Variants in PRKG1 observed in about 807,000 individuals in gnomAD.
The protein encoded by PRKG1 is protein kinase cGMP-dependent 1, also known as cGMP-dependent protein kinase 1.
In PRKG1, 35 loss-of-function variants were observed where a neutral mutation model predicts 88.1. The observed-to-expected ratio is 0.40, with a 90% CI of 0.30 to 0.53. PRKG1 has a LOEUF of 0.53. PRKG1 is among the 20% of genes least tolerant of loss of function. The probability of loss-of-function intolerance (pLI) is 0.59; values close to 1 mark genes in which losing one functional copy is unlikely to be tolerated. For synonymous variants in PRKG1, 303 were observed against 292.5 expected (o/e 1.04, Z -0.37); for missense variants, 540 against 839.8 (o/e 0.64, Z 4.41).
chr10:52,118,705 G>T (rs1847746157), intron 7 of PRKG1, among the ~76,000 whole-genome samples: 1 of 151,844 alleles, frequency 6.6e-6, no homozygotes. Flanking sequence ...TTTCTTTACA[G>T]TTGTTTCCTC....
At chr10:51,068,684 T>C (rs1564587498) in intron 1 of PRKG1, 1 of 151,996 alleles carries the variant, frequency 6.6e-6, no homozygotes, top group Non-Finnish European at 1.5e-5. Flanking sequence ...GTTTTCAGAA[T>C]CAAAATTACT....
chr10:51,157,980 C>A (rs188067003), intron 2 of PRKG1, among the ~76,000 whole-genome samples: 71 of 151,850 alleles, frequency 4.7e-4, no homozygotes, highest in African/African-American at 1.7e-3. Flanking sequence ...TTGGCATATC[C>A]ATCATCTCAA....
intron 9 of PRKG1, among the ~76,000 whole-genome samples, chr10:52,185,807 C>A (rs914352895): frequency 6.6e-6 from 1 of 152,208 alleles, no homozygotes; most frequent in Admixed American, 6.5e-5. Flanking sequence ...GTGGCTTATG[C>A]TCTCTAAAGT....
intron 2 of PRKG1, chr10:51,302,705 T>TA (rs1840924492): frequency 6.6e-6 from 1 of 152,160 alleles, no homozygotes; most frequent in African/African-American, 2.4e-5. Context: ...ACATTTGAGA[T>TA]GTACTTTATT....
chr10:51,191,567 TATG>T lies in PRKG1; in HGVS notation c.478+38243_478+38245del, dbSNP rs1309134588. Reference sequence around the variant, plus strand: ...AAAGTAATATGGTGATGATTATTATTATGATGATAATTTATTGAGACTTATTAG... The same window carrying T: ...AAAGTAATATGGTGATGATTATTATTATGATAATTTATTGAGACTTATTAG... On this transcript the variant is annotated intron_variant, in intron 2 of 17. Coordinates refer to ENST00000373980, the MANE Select transcript of PRKG1 (RefSeq NM_006258.4). Among the ~76,000 whole-genome samples the T allele has an allele frequency of 9.7e-4, 148 of 151,874 alleles. 3 individuals are homozygous for T. Among genetic ancestry groups the T allele is most frequent in the Non-Finnish European group, 2.7e-4 (18 of 67,860 alleles).
chr10:51,404,954 C>T (rs190905585), intron 2 of PRKG1, among the ~76,000 whole-genome samples: 59 of 151,980 alleles, frequency 3.9e-4, no homozygotes, highest in African/African-American at 1.1e-3. Context: ...CTTTTTAAGA[C>T]GTGATTAAGG....
intron 5 of PRKG1, among the ~76,000 whole-genome samples, chr10:51,963,662 G>T (rs758232096): frequency 6.6e-6 from 1 of 151,910 alleles, no homozygotes; most frequent in Non-Finnish European, 1.5e-5. Context: ...TGGCCAGGCT[G>T]GTCTCGAACT....
intron 1 of PRKG1, among the ~76,000 whole-genome samples, chr10:51,100,801 C>T (rs1434529451): frequency 1.3e-5 from 2 of 152,114 alleles, no homozygotes. Flanking sequence ...AAATAACTAA[C>T]AATTCTAAAG....
At chr10:51,129,464 GAAA>G (rs548137032) in intron 1 of PRKG1, among the ~76,000 whole-genome samples, 30 of 137,068 alleles carry the variant, frequency 2.2e-4, no homozygotes, top group African/African-American at 7.6e-4. Flanking sequence ...AATAAACAAA[GAAA>G]AAAAAAAAGA....
intron 7 of PRKG1, among the ~76,000 whole-genome samples, chr10:52,103,487 T>C (rs997107159): frequency 6.6e-6 from 1 of 152,160 alleles, no homozygotes; most frequent in African/African-American, 2.4e-5. Flanking sequence ...AAGGAATTAG[T>C]AACTATATTT....
At chr10:51,387,874 A>G (rs1330325702) in intron 2 of PRKG1, among the ~76,000 whole-genome samples, 1 of 152,174 alleles carries the variant, frequency 6.6e-6, no homozygotes, top group African/African-American at 2.4e-5. Flanking sequence ...TGCTACTGAT[A>G]TATTTTATTA....
intron 4 of PRKG1, among the ~76,000 whole-genome samples, chr10:51,804,979 C>T (rs1170261216): frequency 6.6e-6 from 1 of 152,028 alleles, no homozygotes; most frequent in Non-Finnish European, 1.5e-5. Context: ...GCCATTCTCT[C>T]ATAGAAGTGA....
chr10:50,991,328 C>CGCA lies in PRKG1; in HGVS notation c.-49_-48insAGC, dbSNP rs35361017. ...CCGTCCCAGCCGCCGCCGCCGCCGC[C>CGCA]GCCGCCGCCGCCGCCCGAGAAAAAG... On this transcript the variant is annotated 5_prime_UTR_variant, in exon 1 of 18. Coordinates refer to the PRKG1 transcript ENST00000401604. The surrounding 1 kb of genome is among the most constrained non-coding windows in gnomAD (Gnocchi z 4.5). 5 of 1,481,628 alleles carry CGCA rather than the reference C, an allele frequency of 3.4e-6. No homozygotes were observed. The highest frequency in any genetic ancestry group is 1.5e-5 in the African/African-American group (1 of 67,294). The allele number at this position is 1,481,628 out of a possible 1,614,324, so 91.8% of individuals were successfully genotyped here. A position where few individuals can be genotyped will look rare whatever the true frequency, so the allele number is the denominator to read the frequency against.
chr10:52,053,081 T>C (rs1394995059), intron 5 of PRKG1, among the ~76,000 whole-genome samples: 1 of 152,206 alleles, frequency 6.6e-6, no homozygotes, highest in Non-Finnish European at 1.5e-5. Context: ...TATAATATTA[T>C]TTTTATTTAG....
chr10:51,751,533 C>T (rs1322426834), intron 3 of PRKG1, among the ~76,000 whole-genome samples: 1 of 152,104 alleles, frequency 6.6e-6, no homozygotes, highest in Non-Finnish European at 1.5e-5. Flanking sequence ...TGATGGGGTA[C>T]AACTGAACTT....
intron 3 of PRKG1, among the ~76,000 whole-genome samples, chr10:51,575,358 T>A (rs1837859977): frequency 6.6e-6 from 1 of 151,980 alleles, no homozygotes; most frequent in African/African-American, 2.4e-5. Flanking sequence ...CAGTTTGAGG[T>A]GTGTTCCATG....
chr10:51,162,682 A>G (rs1846395542), intron 2 of PRKG1, among the ~76,000 whole-genome samples: 1 of 152,158 alleles, frequency 6.6e-6, no homozygotes, highest in Admixed American at 6.5e-5. Context: ...AGTTATTCAT[A>G]AGAATATATA....
intron 10 of PRKG1, among the ~76,000 whole-genome samples, chr10:52,253,931 A>G (rs200912108): frequency 7.0e-6 from 1 of 142,888 alleles, no homozygotes; most frequent in Non-Finnish European, 1.5e-5. Flanking sequence ...CACACTGTAG[A>G]CAATCAGAAT....
intron 1 of PRKG1, among the ~76,000 whole-genome samples, chr10:51,033,766 A>G (rs746724082): frequency 2.0e-5 from 3 of 152,196 alleles, no homozygotes; most frequent in Non-Finnish European, 4.4e-5. Context: ...GGCCATTTTT[A>G]ATCTAAGCTA....
Sources: allele counts gnomAD v4.1 joint callset (sites outside exome capture counted in the v4.1 genomes callset), GRCh38; gene constraint gnomAD v4.1.1; non-coding constraint Gnocchi (gnomAD v3.1); transcripts MANE v1.5; gene names NCBI Gene and HGNC (gene_info 2026-07-23, HGNC 2026-07-21).